Variants in PAQR7 observed in about 807,000 individuals in gnomAD.
PAQR7 encodes progestin and adipoQ receptor family member 7, also known as membrane progestin receptor alpha.
Under a neutral mutation model 24.6 loss-of-function variants are expected in PAQR7, and 14 were observed. The observed-to-expected ratio is 0.57, with a 90% confidence interval of 0.38 to 0.89. The LOEUF (loss-of-function observed/expected upper bound fraction) is 0.89, where lower values mean the gene tolerates loss of function less well. Among genes scored for constraint, PAQR7 ranks in the 40% least tolerant of loss-of-function variants. The pLI is 0.00. For missense variants in PAQR7, 351 were observed against 444.0 expected (o/e 0.79, Z 1.88); for synonymous variants, 189 against 198.8 (o/e 0.95, Z 0.42).
intron 2 of PAQR7, among the ~76,000 whole-genome samples, chr1:25,865,260 T>C (rs1411180248): frequency 6.6e-6 from 1 of 152,072 alleles, no homozygotes; most frequent in East Asian, 1.9e-4. Flanking sequence ...GACCATCCTT[T>C]GACGATTTTC....
rs1216874034 is a variant in PAQR7, at chr1:25,863,880, C to T, written c.-22-19G>A. ...CAGGGAGCTGGGAGAGAGACCAGAG[C>T]AAAGTCAGGGGCCTGGTGTCCTCAC... On this transcript the variant is annotated intron_variant, in intron 2 of 2. Transcript: ENST00000675840. This position sits in a 1 kb window ranked among gnomAD's most constrained non-coding sequence, Gnocchi z 6.1. 6.4e-7 allele frequency: 1 copy of T among 1,563,270 alleles called. No homozygotes were observed. The highest frequency in any genetic ancestry group is 1.9e-5 in the Admixed American group (1 of 52,574).
rs954706175 is a variant in PAQR7 at position 25,875,185 on chromosome 1, C to T, written c.-109+303G>A. Among the ~76,000 whole-genome samples the T allele has an allele frequency of 2.6e-4, 39 of 152,106 alleles. No homozygotes were observed. The highest frequency in any genetic ancestry group is 9.2e-4 in the African/African-American group (38 of 41,384). On this transcript the variant is annotated intron_variant, in intron 1 of 2. Transcript: ENST00000675840. The surrounding 1 kb of genome is among the most constrained non-coding windows in gnomAD (Gnocchi z 5.4). Reference sequence around the variant, plus strand: ...AAACAGGCTCTCAGGCCCCCATCCGCATCCTCCTCAGCCGTGCTCCTTCTG... The same window carrying T: ...AAACAGGCTCTCAGGCCCCCATCCGTATCCTCCTCAGCCGTGCTCCTTCTG...
At chr1:25,871,253 A>G (rs1315706903) in intron 1 of PAQR7, 1 of 152,188 alleles carries the variant, frequency 6.6e-6, no homozygotes, top group Admixed American at 6.5e-5. Flanking sequence ...TTTTGAATTC[A>G]CAGAGCCCTG....
intron 1 of PAQR7, among the ~76,000 whole-genome samples, chr1:25,872,689 T>C (rs2048615608): frequency 6.6e-6 from 1 of 152,052 alleles, no homozygotes. Flanking sequence ...TTTTAAATTA[T>C]GTGTAGAGAC....
At position 25,862,745 on chromosome 1, in the gene PAQR7, CCCAGACCCCT is replaced by C; in HGVS notation, c.*44_*53del. On this transcript the variant is annotated 3_prime_UTR_variant, in exon 3 of 3. Transcript: ENST00000675840. ...GGCCTTGTTCCCACCTGGAGCCAAA[CCCAGACCCCT>C]GTCCCCCAACTATACCTCCCTCCCT... 1.3e-6 allele frequency: 2 copies of C among 1,544,404 alleles called. No homozygotes were observed. Among genetic ancestry groups the C allele is most frequent in the Non-Finnish European group, 1.8e-6 (2 of 1,135,578 alleles).
At chr1:25,867,942 G>A (rs2124193804) in intron 2 of PAQR7, among the ~76,000 whole-genome samples, 1 of 152,354 alleles carries the variant, frequency 6.6e-6, no homozygotes, top group South Asian at 2.1e-4. Context: ...CAGCGAGCCT[G>A]GCACAGGGCA....
Position 25,862,984 on chromosome 1 carries a change from T to C in PAQR7, c.856A>G (p.Thr286Ala), listed in dbSNP as rs757323771. Residue 286 changes from threonine to alanine, a missense_variant, in exon 3 of 3, where the codon ACG becomes GCG. Thr to Ala is a moderately conservative substitution (Grantham distance 58, BLOSUM62 0). Coordinates refer to ENST00000675840, the MANE Select transcript of PAQR7 (RefSeq NM_178422.6). Reference protein sequence around the residue: ...QLFHIFLVLCTLAQLEAVALD... With the variant: ...QLFHIFLVLCALAQLEAVALD... ...GCCACAGCCTCCAGCTGAGCCAGCG[T>C]GCACAGCACCAAGAAGATGTGGAAA... The C allele has an allele frequency of 3.7e-5, 60 of 1,613,994 alleles. 1 individual carries two copies. The South Asian group carries it at 6.4e-4, about 17-fold the overall frequency.
In PAQR7 at chr1:25,863,624, G is replaced by A. The variant is rs376473466; in HGVS notation, c.216C>T (p.Ala72=). 3.4e-5 allele frequency: 55 copies of A among 1,614,176 alleles called. No individual in the cohort carries two copies. Among genetic ancestry groups the A allele is most frequent in the Non-Finnish European group, 4.5e-5 (53 of 1,180,016 alleles). ...FRTLFQQHNE[A]VNVWTHLLAA... The stretch of plus-strand genomic sequence containing the variant: ...CCAGCAGGTGGGTCCAGACATTCAC[G>A]GCCTCGTTGTGCTGCTGGAACAGCG... The change falls in exon 3 of 3, where the codon GCC becomes GCT. Residue 72 remains alanine (A), a synonymous_variant. Transcript: ENST00000675840. The surrounding 1 kb of genome is among the most constrained non-coding windows in gnomAD (Gnocchi z 6.1).
intron 2 of PAQR7, among the ~76,000 whole-genome samples, chr1:25,869,861 C>G (rs1265135751): frequency 6.6e-6 from 1 of 152,142 alleles, no homozygotes; most frequent in Non-Finnish European, 1.5e-5. Flanking sequence ...GGCCCTGGCT[C>G]AAGCCACCTC....
intron 2 of PAQR7, among the ~76,000 whole-genome samples, chr1:25,869,389 T>C (rs577466238): frequency 3.4e-4 from 52 of 151,914 alleles, no homozygotes; most frequent in East Asian, 1.8e-3. Flanking sequence ...CTGGCCAATA[T>C]TGGGAAACCC....
Position 25,863,801 on chromosome 1 carries a change from A to C in PAQR7, c.39T>G (p.Ser13Arg). 6.2e-7 allele frequency: 1 copy of C among 1,613,194 alleles called. No individual in the cohort carries two copies. Residue 13 changes from serine (S) to arginine (R), a missense_variant, in exon 3 of 3, where the codon AGT becomes AGG. Ser to Arg is a moderately radical substitution (Grantham distance 110). Transcript: ENST00000675840. The surrounding 1 kb of genome is among the most constrained non-coding windows in gnomAD (Gnocchi z 6.1). ...MAQKLSHLLP[S>R]LRQVIQEPQL... Reference sequence around the variant, plus strand: ...GAGGCTCCTGGATGACCTGCCGCAGACTCGGCAGGAGGTGGCTGAGTTTCT... The same window carrying C: ...GAGGCTCCTGGATGACCTGCCGCAGCCTCGGCAGGAGGTGGCTGAGTTTCT...
At chr1:25,870,171 G>A (rs2124197349) in intron 2 of PAQR7, among the ~76,000 whole-genome samples, 1 of 152,318 alleles carries the variant, frequency 6.6e-6, no homozygotes, top group African/African-American at 2.4e-5. Context: ...TCCTCTGAGT[G>A]GTCAGCCTCT....
At chr1:25,865,626 G>A (rs143498975) in intron 2 of PAQR7, among the ~76,000 whole-genome samples, 107 of 152,244 alleles carry the variant, frequency 7.0e-4, no homozygotes, top group African/African-American at 2.3e-3. Flanking sequence ...TGGCTAACAC[G>A]GTGAAACCTC....
intron 2 of PAQR7, among the ~76,000 whole-genome samples, chr1:25,864,932 G>A (rs1166076650): frequency 3.3e-5 from 5 of 151,982 alleles, no homozygotes; most frequent in East Asian, 1.9e-4. Flanking sequence ...TGAGACGGGC[G>A]GATCACAAGG....
At position 25,863,791 on chromosome 1, in the gene PAQR7, C is replaced by G. The variant is rs1400682659; in HGVS notation, c.49G>C (p.Val17Leu). The change falls in exon 3 of 3, where the codon GTC becomes CTC. Residue 17 changes from valine to leucine, a missense_variant. By Grantham distance (32) the Val-to-Leu change is conservative. Transcript: ENST00000675840. The surrounding 1 kb of genome is among the most constrained non-coding windows in gnomAD (Gnocchi z 6.1). ...LSHLLPSLRQ[V>L]IQEPQLSLQP... ...AGAGATAGCTGAGGCTCCTGGATGA[C>G]CTGCCGCAGACTCGGCAGGAGGTGG... 2 of 1,613,576 alleles carry G rather than the reference C, an allele frequency of 1.2e-6. No individual in the cohort carries two copies. The highest frequency in any genetic ancestry group is 1.7e-6 in the Non-Finnish European group (2 of 1,179,950).
At chr1:25,869,624 G>A (rs1299215910) in intron 2 of PAQR7, among the ~76,000 whole-genome samples, 2 of 151,962 alleles carry the variant, frequency 1.3e-5, no homozygotes, top group Non-Finnish European at 2.9e-5. Flanking sequence ...ACCCAAGGTT[G>A]GAGGATGGGG....
rs187877336 is a variant in PAQR7, at chr1:25,863,740, C to G, written c.100G>C (p.Asp34His). The G allele has an allele frequency of 6.2e-7, 1 of 1,613,878 alleles. No homozygotes were observed. The highest frequency in any genetic ancestry group is 1.7e-5 in the Admixed American group (1 of 60,018). The change falls in exon 3 of 3, where the codon GAT becomes CAT. Residue 34 changes from aspartate to histidine, a missense_variant. By Grantham distance (81) the Asp-to-His change is moderately conservative. Coordinates refer to ENST00000675840, the MANE Select transcript of PAQR7 (RefSeq NM_178422.6). The surrounding 1 kb of genome is among the most constrained non-coding windows in gnomAD (Gnocchi z 6.1). ...SLQPEPVFTV[D>H]RAEVPPLFWK... is the part of the protein sequence containing the mutation. ...AAGAGCGGCGGCACCTCAGCTCGAT[C>G]CACCGTGAAGACAGGCTCTGGCTGC...
chr1:25,863,746 TGAAGACAGGCTCTGGCTGCA>T lies in PAQR7; in HGVS notation c.74_93del (p.Leu25HisfsTer6). 6.2e-7 allele frequency: 1 copy of T among 1,613,820 alleles called. No homozygotes were observed. Among genetic ancestry groups the T allele is most frequent in the Non-Finnish European group, 8.5e-7 (1 of 1,180,008 alleles). On this transcript the variant is annotated frameshift_variant, in exon 3 of 3. Coordinates refer to ENST00000675840, the MANE Select transcript of PAQR7 (RefSeq NM_178422.6). LOFTEE classifies it high-confidence loss of function. The surrounding 1 kb of genome is among the most constrained non-coding windows in gnomAD (Gnocchi z 6.1). ...GGCGGCACCTCAGCTCGATCCACCGTGAAGACAGGCTCTGGCTGCAGAGATAGCTGAGGCTCCTGGATGAC... is the reference window on the plus strand; with the variant it reads ...GGCGGCACCTCAGCTCGATCCACCGTGAGATAGCTGAGGCTCCTGGATGAC...
At chr1:25,874,125 C>T (rs2048626844) in intron 1 of PAQR7, among the ~76,000 whole-genome samples, 2 of 152,002 alleles carry the variant, frequency 1.3e-5, no homozygotes, top group East Asian at 1.9e-4. Flanking sequence ...TCAGGTGATC[C>T]GCCTGCCTCG....
Sources: gnomAD v4.1 joint callset for allele counts (sites outside exome capture counted in the v4.1 genomes callset) on GRCh38, gnomAD v4.1.1 for gene constraint, Gnocchi (gnomAD v3.1) non-coding constraint, MANE v1.5 for transcripts, NCBI Gene and HGNC (gene_info 2026-07-23, HGNC 2026-07-21) for gene names.